The following SSBP2 variants were observed in gnomAD, a reference collection of about 807,000 sequenced individuals.
SSBP2 encodes the protein single stranded DNA binding protein 2.
In SSBP2, 17 loss-of-function variants were observed where a neutral mutation model predicts 61.8. The observed-to-expected ratio is 0.28, with a 90% CI of 0.19 to 0.41. SSBP2 has a LOEUF of 0.41. Among genes scored for constraint, SSBP2 ranks in the 10% least tolerant of loss-of-function variants. SSBP2 has a pLI of 1.00. For synonymous variants in SSBP2, 139 were observed against 141.3 expected (o/e 0.98, Z 0.12); for missense variants, 310 against 458.7 (o/e 0.68, Z 2.96).
At chr5:81,704,170 T>C (rs1234451719) in intron 1 of SSBP2, among the ~76,000 whole-genome samples, 1 of 152,180 alleles carries the variant, frequency 6.6e-6, no homozygotes, top group Non-Finnish European at 1.5e-5. Context: ...TTTTTCTCAA[T>C]CCTTTCACTG....
chr5:81,454,537 T>C (rs568684009), intron 10 of SSBP2, among the ~76,000 whole-genome samples: 72 of 152,064 alleles, frequency 4.7e-4, no homozygotes, highest in African/African-American at 1.7e-3. Flanking sequence ...AAAAGTTAGC[T>C]GGGCATGGTG....
At chr5:81,736,661 T>C (rs1044377716) in intron 1 of SSBP2, among the ~76,000 whole-genome samples, 4 of 152,252 alleles carry the variant, frequency 2.6e-5, no homozygotes, top group Admixed American at 1.3e-4. Flanking sequence ...GAATATTTAT[T>C]ACTCAAATAA....
At chr5:81,602,049 G>C (rs980151215) in intron 4 of SSBP2, among the ~76,000 whole-genome samples, 1 of 152,108 alleles carries the variant, frequency 6.6e-6, no homozygotes, top group Non-Finnish European at 1.5e-5. Context: ...ACCTTGATCA[G>C]AGCCCAGTCC....
chr5:81,491,407 C>T (rs906822521), intron 5 of SSBP2, among the ~76,000 whole-genome samples: 8 of 152,232 alleles, frequency 5.3e-5, no homozygotes, highest in East Asian at 1.9e-4. Context: ...TTGAGATCTG[C>T]GTGTTGATCT....
At chr5:81,639,766 T>C (rs1748606117) in intron 2 of SSBP2, among the ~76,000 whole-genome samples, 1 of 152,116 alleles carries the variant, frequency 6.6e-6, no homozygotes, top group Non-Finnish European at 1.5e-5. Context: ...TAATTACAGA[T>C]TTCAAAAAAA....
intron 3 of SSBP2, among the ~76,000 whole-genome samples, chr5:81,624,624 A>G (rs1481814859): frequency 3.3e-5 from 5 of 152,124 alleles, no homozygotes; most frequent in Non-Finnish European, 1.5e-5. Context: ...GTATAATACC[A>G]TCCTAATATT....
intron 1 of SSBP2, among the ~76,000 whole-genome samples, chr5:81,702,077 TA>T (rs542028689): frequency 6.6e-6 from 1 of 151,792 alleles, no homozygotes; most frequent in East Asian, 1.9e-4. Flanking sequence ...TTTTTTTAAT[TA>T]AAAAAAAGAT....
intron 2 of SSBP2, among the ~76,000 whole-genome samples, chr5:81,645,798 TA>T (rs1317667406): frequency 4.0e-5 from 6 of 149,020 alleles, no homozygotes; most frequent in South Asian, 2.1e-4. Context: ...CCCTTGGGAG[TA>T]AAAAAAAAAT....
chr5:81,498,131 T>C (rs1438509716), intron 5 of SSBP2, among the ~76,000 whole-genome samples: 2 of 152,114 alleles, frequency 1.3e-5, no homozygotes, highest in African/African-American at 4.8e-5. Context: ...AAGAAAAGGC[T>C]CAGCATTTGA....
intron 1 of SSBP2, among the ~76,000 whole-genome samples, chr5:81,715,756 A>C (rs1755125734): frequency 6.6e-6 from 1 of 152,170 alleles, no homozygotes. Context: ...GTATGTGACT[A>C]CATTAACAAG....
chr5:81,661,778 TC>T (rs1750720712), intron 1 of SSBP2, among the ~76,000 whole-genome samples: 1 of 152,230 alleles, frequency 6.6e-6, no homozygotes, highest in Non-Finnish European at 1.5e-5. Flanking sequence ...GTAAATATTT[TC>T]CCCCATTCCC....
intron 16 of SSBP2, among the ~76,000 whole-genome samples, chr5:81,422,051 T>A (rs758341373): frequency 6.6e-6 from 1 of 152,116 alleles, no homozygotes; most frequent in African/African-American, 2.4e-5. Context: ...AAACGTTTTA[T>A]TGGAAACCTA....
intron 4 of SSBP2, among the ~76,000 whole-genome samples, chr5:81,575,949 T>G (rs1209668962): frequency 6.6e-6 from 1 of 152,216 alleles, no homozygotes; most frequent in African/African-American, 2.4e-5. Flanking sequence ...TCCATTTCTT[T>G]GCATTATTGT....
intron 1 of SSBP2, among the ~76,000 whole-genome samples, chr5:81,669,935 C>T (rs1751466596): frequency 6.6e-6 from 1 of 151,654 alleles, no homozygotes; most frequent in African/African-American, 2.4e-5. Context: ...CTGTATGATT[C>T]CAACTTTATG....
intron 4 of SSBP2, among the ~76,000 whole-genome samples, chr5:81,580,918 T>A (rs1003979542): frequency 2.0e-5 from 3 of 152,148 alleles, no homozygotes; most frequent in African/African-American, 7.2e-5. Flanking sequence ...ATAATTATGT[T>A]CATTATGGAG....
chr5:81,567,611 G>A (rs1773524341), intron 4 of SSBP2, among the ~76,000 whole-genome samples: 1 of 151,620 alleles, frequency 6.6e-6, no homozygotes, highest in South Asian at 2.1e-4. Flanking sequence ...ATGAGAAGAA[G>A]GCCACCATCC....
chr5:81,432,823 G>A (rs1265956400), intron 15 of SSBP2, among the ~76,000 whole-genome samples: 19 of 138,550 alleles, frequency 1.4e-4, no homozygotes, highest in African/African-American at 4.1e-4. Flanking sequence ...TCAGCCCCCC[G>A]CCCGGCCAGC....
rs137932238 is a variant in SSBP2, at chr5:81,719,973, T to C, written c.62+31008A>G. ...GGTAGCTGGCAGTATGGGCTCTAGA[T>C]TGGCTGTTTTACATATGAAAATGCT... On this transcript the variant is annotated intron_variant, in intron 1 of 16. Transcript: ENST00000320672. Among the ~76,000 whole-genome samples the C allele has an allele frequency of 2.6e-3, 395 of 152,172 alleles. 1 individual carries two copies. The highest frequency in any genetic ancestry group is 8.8e-3 in the African/African-American group (366 of 41,510).
At chr5:81,702,929 T>C (rs950982944) in intron 1 of SSBP2, among the ~76,000 whole-genome samples, 1 of 152,228 alleles carries the variant, frequency 6.6e-6, no homozygotes, top group African/African-American at 2.4e-5. Context: ...TCAATCTTAA[T>C]GTACTCAAGC....
Sources: gnomAD v4.1 joint callset for allele counts (sites outside exome capture counted in the v4.1 genomes callset) on GRCh38, gnomAD v4.1.1 for gene constraint, MANE v1.5 for transcripts, NCBI Gene and HGNC (gene_info 2026-07-23, HGNC 2026-07-21) for gene names.